The following SRPK2 variants were observed in gnomAD, a reference collection of about 807,000 sequenced individuals.
SRPK2 encodes the protein SFRS protein kinase 2.
A neutral mutation model predicts 90.8 loss-of-function variants in SRPK2; 21 were observed. The observed-to-expected ratio is 0.23, with a 90% CI of 0.16 to 0.33. SRPK2 has a LOEUF of 0.33. Among genes scored for constraint, SRPK2 ranks in the 10% least tolerant of loss-of-function variants. The pLI is 1.00. For missense variants in SRPK2, 620 were observed against 869.0 expected (o/e 0.71, Z 3.60); for synonymous variants, 288 against 311.1 (o/e 0.93, Z 0.78).
chr7:105,263,594 A>G (rs1804631219), intron 2 of SRPK2, among the ~76,000 whole-genome samples: 2 of 152,194 alleles, frequency 1.3e-5, no homozygotes, highest in Non-Finnish European at 2.9e-5. Flanking sequence ...GTCATATGCA[A>G]AAAATTGAAT....
At chr7:105,385,293 G>A (rs993507440) in intron 2 of SRPK2, among the ~76,000 whole-genome samples, 4 of 144,002 alleles carry the variant, frequency 2.8e-5, no homozygotes, top group African/African-American at 5.2e-5. Flanking sequence ...CCATTCTCTC[G>A]CCTCAGCCTC....
At chr7:105,341,089 G>A (rs1425674390) in intron 2 of SRPK2, among the ~76,000 whole-genome samples, 4 of 152,136 alleles carry the variant, frequency 2.6e-5, no homozygotes, top group Non-Finnish European at 5.9e-5. Flanking sequence ...CCATAGGCCC[G>A]GTGCAGTGGC....
rs1368909291 is a variant in SRPK2 at position 105,142,033 on chromosome 7, G to C, written c.1518C>G (p.Ala506=). 3 of 1,613,210 alleles carry C rather than the reference G, an allele frequency of 1.9e-6. No individual in the cohort carries two copies. The highest frequency in any genetic ancestry group is 2.5e-6 in the Non-Finnish European group (3 of 1,179,562). The change falls in exon 11 of 16, where the codon GCC becomes GCG. Residue 506 remains alanine (A), a synonymous_variant. Coordinates refer to ENST00000393651, the MANE Select transcript of SRPK2 (RefSeq NM_182692.3). Reference sequence around the variant, plus strand: ...CTTTTGGCAAATCCCCAGTACTGGAGGCTGAAACCGTTCTGCTTCTGTCAT... The same window carrying C: ...CTTTTGGCAAATCCCCAGTACTGGACGCTGAAACCGTTCTGCTTCTGTCAT... ...PSHDRSRTVS[A]SSTGDLPKAK... is the part of the protein sequence containing the mutation.
At chr7:105,394,867 T>C (rs1018932372) in intron 1 of SRPK2, among the ~76,000 whole-genome samples, 2 of 152,212 alleles carry the variant, frequency 1.3e-5, no homozygotes, top group Non-Finnish European at 2.9e-5. Context: ...GTGATCATTT[T>C]TATTTAAAAA....
At chr7:105,387,510 CTT>C (rs77016884) in intron 2 of SRPK2, among the ~76,000 whole-genome samples, 25,289 of 137,008 alleles carry the variant, frequency 0.18, 2,750 homozygotes, top group East Asian at 0.58. Flanking sequence ...ATGGTTTTTT[CTT>C]TTTTTTTTTT....
intron 11 of SRPK2, among the ~76,000 whole-genome samples, chr7:105,133,517 C>A (rs999045517): frequency 1.3e-5 from 2 of 152,144 alleles, no homozygotes; most frequent in African/African-American, 4.8e-5. Flanking sequence ...AGAAAGAACA[C>A]TGCTGTGGGG....
chr7:105,129,521 C>T (rs1030027232), intron 13 of SRPK2, among the ~76,000 whole-genome samples: 7 of 148,522 alleles, frequency 4.7e-5, no homozygotes, highest in African/African-American at 7.3e-5. Flanking sequence ...ACTATAGGCA[C>T]GTGCCACCAT....
chr7:105,135,723 T>C (rs1393169434), intron 11 of SRPK2, among the ~76,000 whole-genome samples: 1 of 151,964 alleles, frequency 6.6e-6, no homozygotes, highest in Non-Finnish European at 1.5e-5. Flanking sequence ...CTAGAAGAAA[T>C]ATACTTTCAA....
At chr7:105,319,515 G>GGGT (rs1554508580) in intron 2 of SRPK2, among the ~76,000 whole-genome samples, 1 of 110,288 alleles carries the variant, frequency 9.1e-6, no homozygotes, top group Non-Finnish European at 1.9e-5. Context: ...GGGGGGGGGG[G>GGGT]GGGCGGTGGA....
intron 2 of SRPK2, among the ~76,000 whole-genome samples, chr7:105,361,874 AG>A (rs886408402): frequency 1.2e-3 from 189 of 152,186 alleles, no homozygotes; most frequent in African/African-American, 4.2e-3. Flanking sequence ...TAAAAACCCT[AG>A]GAAGAAAACC....
At chr7:105,124,318 C>A (rs1441657564) in intron 15 of SRPK2, among the ~76,000 whole-genome samples, 1 of 152,196 alleles carries the variant, frequency 6.6e-6, no homozygotes. Flanking sequence ...AGTCCTCGAT[C>A]CCCTCAACAG....
intron 2 of SRPK2, among the ~76,000 whole-genome samples, chr7:105,287,324 A>G (rs1173398705): frequency 3.3e-5 from 5 of 151,590 alleles, no homozygotes; most frequent in Admixed American, 2.6e-4. Context: ...ACTGATAAAC[A>G]TATCCAAAAC....
At chr7:105,224,296 GA>G (rs1242887546) in intron 2 of SRPK2, among the ~76,000 whole-genome samples, 1 of 152,070 alleles carries the variant, frequency 6.6e-6, no homozygotes, top group Non-Finnish European at 1.5e-5. Context: ...TAGGAATTCA[GA>G]ATCTGTAACC....
intron 2 of SRPK2, among the ~76,000 whole-genome samples, chr7:105,274,894 CT>C (rs111932733): frequency 0.44 from 65,264 of 147,530 alleles, 15,316 homozygotes; most frequent in South Asian, 0.53. Context: ...CAGTGATTGG[CT>C]TTTTTTTTTT....
At chr7:105,356,067 A>T (rs920641529) in intron 2 of SRPK2, among the ~76,000 whole-genome samples, 2 of 151,958 alleles carry the variant, frequency 1.3e-5, no homozygotes, top group Non-Finnish European at 2.9e-5. Flanking sequence ...AAATTAAATA[A>T]ATAAATATCA....
At chr7:105,240,624 G>A (rs192611249) in intron 2 of SRPK2, among the ~76,000 whole-genome samples, 161 of 152,226 alleles carry the variant, frequency 1.1e-3, no homozygotes, top group African/African-American at 3.8e-3. Flanking sequence ...TAATTTTAAA[G>A]CCTAACCATA....
chr7:105,124,375 C>T (rs530969848), intron 15 of SRPK2, among the ~76,000 whole-genome samples: 1 of 150,032 alleles, frequency 6.7e-6, no homozygotes, highest in Non-Finnish European at 1.5e-5. Context: ...GGCGCAGTGG[C>T]TCACACCTGT....
At chr7:105,380,227 G>A (rs1182886913) in intron 2 of SRPK2, among the ~76,000 whole-genome samples, 2 of 152,256 alleles carry the variant, frequency 1.3e-5, no homozygotes, top group East Asian at 3.9e-4. Flanking sequence ...TATCTCCCGT[G>A]TTCAAGCAAT....
intron 2 of SRPK2, among the ~76,000 whole-genome samples, chr7:105,299,837 T>A (rs117754071): frequency 6.6e-6 from 1 of 152,108 alleles, no homozygotes; most frequent in African/African-American, 2.4e-5. Context: ...TAAGTTGCAG[T>A]GAGCCGAGAT....
Sources: allele counts gnomAD v4.1 joint callset (sites outside exome capture counted in the v4.1 genomes callset), GRCh38; gene constraint gnomAD v4.1.1; transcripts MANE v1.5; gene names NCBI Gene and HGNC (gene_info 2026-07-23, HGNC 2026-07-21).